Variants in USP22 observed in about 807,000 individuals in gnomAD.
USP22 encodes the protein ubiquitin carboxyl-terminal hydrolase 22.
USP22 carries 22 observed loss-of-function variants against 68.1 expected under a neutral mutation model. The ratio of observed to expected loss-of-function variants is 0.32; its 90% CI spans 0.23 to 0.46. USP22 has a LOEUF of 0.46. Among genes scored for constraint, USP22 ranks in the 20% least tolerant of loss-of-function variants. The pLI is 1.00. For synonymous variants in USP22, 279 were observed against 274.2 expected, an observed-to-expected ratio of 1.02 and a Z score of -0.17; for missense variants, 433 against 695.8, an observed-to-expected ratio of 0.62 and a Z score of 4.25.
In USP22 at chr17:21,001,700, A is replaced by G. The variant is rs1422183786; in HGVS notation, c.*1331T>C. ...CAGATGCTGCTGGGGCTCCTGGGAC[A>G]AGCACAGCCCGAGACACACTTGCTT... On this transcript the variant is annotated 3_prime_UTR_variant, in exon 13 of 13. Transcript: ENST00000261497. The G allele has an allele frequency of 1.3e-5, 2 of 152,224 alleles. No homozygotes were observed. Among genetic ancestry groups the G allele is most frequent in the East Asian group, 3.8e-4 (2 of 5,200 alleles). The allele number at this position is 152,224 out of a possible 1,614,324, so 9.4% of individuals were successfully genotyped here. A position where few individuals can be genotyped will look rare whatever the true frequency, so the allele number is the denominator to read the frequency against.
At chr17:21,035,923 C>T (rs571240357) in intron 1 of USP22, among the ~76,000 whole-genome samples, 12 of 146,884 alleles carry the variant, frequency 8.2e-5, no homozygotes, top group Admixed American at 3.5e-4. Flanking sequence ...CCCAGTTACT[C>T]GGGAGGCTGA....
Position 21,010,806 on chromosome 17 carries a change from GGGAGA to G in USP22, c.1103+340_1103+344del, listed in dbSNP as rs144929815. On this transcript the variant is annotated intron_variant, in intron 8 of 12. Coordinates refer to ENST00000261497, the MANE Select transcript of USP22 (RefSeq NM_015276.2). The stretch of plus-strand genomic sequence containing the variant: ...TGTGCAGAGAAGGCCGTGGACCATG[GGGAGA>G]GGCCCGGGCGCATCTCAGCTCACAC... Among the ~76,000 whole-genome samples the G allele has an allele frequency of 8.6e-3, 1,309 of 152,276 alleles. 23 individuals are homozygous for G. Among genetic ancestry groups the G allele is most frequent in the African/African-American group, 0.029 (1,210 of 41,556 alleles).
rs746632196 is a variant in USP22, at chr17:21,005,004, C to G, written c.1323-14G>C. 3 of 1,613,758 alleles carry G rather than the reference C, an allele frequency of 1.9e-6. No homozygotes were observed. Among genetic ancestry groups the G allele is most frequent in the Non-Finnish European group, 2.5e-6 (3 of 1,179,844 alleles). Reference sequence around the variant, plus strand: ...CTGCTCTCTTTGCTGTAACAGACAACGGCAGGATTCAGCATCATTAAAATC... The same window carrying G: ...CTGCTCTCTTTGCTGTAACAGACAAGGGCAGGATTCAGCATCATTAAAATC... On this transcript the variant is annotated splice_polypyrimidine_tract_variant and intron_variant, in intron 10 of 12. Transcript: ENST00000261497.
intron 1 of USP22, among the ~76,000 whole-genome samples, chr17:21,040,788 G>GT (rs1428296125): frequency 6.6e-6 from 1 of 152,094 alleles, no homozygotes; most frequent in Non-Finnish European, 1.5e-5. Context: ...ATCCAAAGTA[G>GT]TAACAAATCT....
chr17:21,032,374 G>C (rs1156417329), intron 1 of USP22, among the ~76,000 whole-genome samples: 1 of 152,180 alleles, frequency 6.6e-6, no homozygotes, highest in Non-Finnish European at 1.5e-5. Flanking sequence ...GGAACAGCAC[G>C]TCCATTGATA....
At chr17:21,022,732 G>A (rs1419869601) in intron 2 of USP22, among the ~76,000 whole-genome samples, 1 of 151,288 alleles carries the variant, frequency 6.6e-6, no homozygotes, top group Non-Finnish European at 1.5e-5. Flanking sequence ...CTGGGAGGCG[G>A]AGCTTGCTAT....
chr17:21,010,552 C>T (rs1913929613), intron 8 of USP22, among the ~76,000 whole-genome samples: 2 of 141,262 alleles, frequency 1.4e-5, no homozygotes, highest in Non-Finnish European at 1.6e-5. Context: ...TGGTGCACAC[C>T]TGTAGTCCCA....
chr17:21,018,014 A>T lies in USP22; in HGVS notation c.618T>A (p.Ser206=). ...HTPLLRDFFL[S]DRHRCEMQSP... is the part of the protein sequence containing the mutation. ...TCTGCATCTCACAGCGGTGCCTGTC[A>T]GACAGGAAGAAGTCCCGCAGAAGTG... Residue 206 remains serine, a synonymous_variant, in exon 5 of 13, where the codon TCT becomes TCA. Transcript: ENST00000261497. 1 of 1,614,162 alleles carries T rather than the reference A, an allele frequency of 6.2e-7. No homozygotes were observed. The highest frequency in any genetic ancestry group is 8.5e-7 in the Non-Finnish European group (1 of 1,180,036).
At chr17:21,013,854 C>A (rs896001104) in intron 6 of USP22, among the ~76,000 whole-genome samples, 1 of 152,230 alleles carries the variant, frequency 6.6e-6, no homozygotes, top group Non-Finnish European at 1.5e-5. Flanking sequence ...GCGGGCGGAT[C>A]ACGAGGTTAG....
chr17:21,030,021 T>TA (rs1972268739), intron 1 of USP22, among the ~76,000 whole-genome samples: 3 of 152,178 alleles, frequency 2.0e-5, no homozygotes, highest in South Asian at 2.1e-4. Flanking sequence ...TCACCTGGAT[T>TA]AAAAAAATAT....
chr17:21,009,989 C>T (rs1182492353), intron 8 of USP22, among the ~76,000 whole-genome samples: 1 of 146,932 alleles, frequency 6.8e-6, no homozygotes. Context: ...AAAAAAATCA[C>T]AAAATCAGCT....
chr17:21,026,622 C>T (rs1972222981), intron 2 of USP22, among the ~76,000 whole-genome samples: 1 of 151,642 alleles, frequency 6.6e-6, no homozygotes, highest in Middle Eastern at 3.4e-3. Context: ...CACCGCTCCT[C>T]CCTCATCTCA....
At chr17:21,018,423 A>G (rs1972114336) in intron 4 of USP22, 2 of 154,992 alleles carry the variant, frequency 1.3e-5, no homozygotes, top group Admixed American at 7.7e-5. Context: ...CAGGTTTTTA[A>G]AAATGTTCTA....
chr17:21,023,830 C>T (rs1972188115), intron 2 of USP22, among the ~76,000 whole-genome samples: 1 of 152,024 alleles, frequency 6.6e-6, no homozygotes, highest in Admixed American at 6.6e-5. Flanking sequence ...CCTCAGTTTC[C>T]CCTGCGGTAA....
At chr17:21,011,002 G>T in intron 8 of USP22, 149 bp downstream of exon 8, 1 of 1,110,000 alleles carries the variant, frequency 9.0e-7, no homozygotes, top group Non-Finnish European at 1.2e-6. Context: ...GGACAAACTA[G>T]CACAAGAGAC....
chr17:21,015,715 T>G, intron 6 of USP22, 37 bp downstream of exon 6: 2 of 1,581,032 alleles, frequency 1.3e-6, no homozygotes, highest in Non-Finnish European at 8.6e-7. Flanking sequence ...AAGGAAAACA[T>G]CCTGCCCTGG....
At chr17:21,011,990 A>T (rs968511675) in intron 7 of USP22, among the ~76,000 whole-genome samples, 1 of 152,222 alleles carries the variant, frequency 6.6e-6, no homozygotes, top group African/African-American at 2.4e-5. Context: ...TGCTCCTTAT[A>T]GAAAATGGCC....
chr17:21,018,151 C>A, intron 4 of USP22, 40 bp from the exon 5 acceptor site: 1 of 1,516,420 alleles, frequency 6.6e-7, no homozygotes, highest in South Asian at 1.3e-5. Flanking sequence ...TACCTGTGTG[C>A]TGAACCACAG....
chr17:21,043,384 T>C (rs1972477275), upstream of USP22: 8 of 191,608 alleles, frequency 4.2e-5, no homozygotes, highest in Non-Finnish European at 6.8e-5. Flanking sequence ...CCCGGGACCC[T>C]GGCGGCTAGA....
Sources: gnomAD v4.1 joint callset for allele counts (sites outside exome capture counted in the v4.1 genomes callset) on GRCh38, gnomAD v4.1.1 for gene constraint, MANE v1.5 for transcripts, NCBI Gene and HGNC (gene_info 2026-07-23, HGNC 2026-07-21) for gene names.